NRXN3: variants seen among roughly 807,000 people sequenced by gnomAD.
NRXN3 encodes the protein neurexin III.
Under a neutral mutation model 137.6 loss-of-function variants are expected in NRXN3, and 32 were observed. The ratio of observed to expected loss-of-function variants is 0.23; its 90% CI spans 0.18 to 0.31. The LOEUF is 0.31. NRXN3 is among the 10% of genes least tolerant of loss of function. NRXN3 has a pLI of 1.00. For missense variants in NRXN3, 1,574 were observed against 2,062.5 expected (o/e 0.76, Z 4.59); for synonymous variants, 798 against 784.5 (o/e 1.02, Z -0.29).
intron 15 of NRXN3, among the ~76,000 whole-genome samples, chr14:79,186,444 A>C (rs749706545): frequency 2.6e-5 from 4 of 152,154 alleles, no homozygotes; most frequent in Non-Finnish European, 5.9e-5. Flanking sequence ...AGTGAATCAA[A>C]TTTGGAAACA....
chr14:78,407,857 C>T (rs2092585341), intron 4 of NRXN3, among the ~76,000 whole-genome samples: 1 of 152,176 alleles, frequency 6.6e-6, no homozygotes, highest in South Asian at 2.1e-4. Context: ...CAGTGCTGCT[C>T]CTCCCTCACT....
In NRXN3 at chr14:79,663,872, T is replaced by C; in HGVS notation, c.3539T>C (p.Val1180Ala). Residue 1180 changes from valine to alanine, a missense_variant, in exon 17 of 21, where the codon GTG becomes GCG. By Grantham distance (64) the Val-to-Ala change is moderately conservative (BLOSUM62 0). Around this residue, in one of 5 missense-constraint regions of NRXN3, gnomAD observed 133 missense variants for 241.8 expected, o/e 0.55. Coordinates refer to ENST00000335750, the MANE Select transcript of NRXN3 (RefSeq NM_001330195.2). ...CCTGTAAATGACGGCAAATACCATG[T>C]GGTACGCTTCACCAGGAACGGCGGC... ...RTPVNDGKYH[V>A]VRFTRNGGNA... is the part of the protein sequence containing the mutation. 6.2e-7 allele frequency: 1 copy of C among 1,613,604 alleles called. No homozygotes were observed. The highest frequency in any genetic ancestry group is 8.5e-7 in the Non-Finnish European group (1 of 1,179,672).
chr14:79,387,691 C>T (rs1453696172), intron 15 of NRXN3, among the ~76,000 whole-genome samples: 4 of 151,650 alleles, frequency 2.6e-5, no homozygotes, highest in Admixed American at 2.0e-4. Flanking sequence ...AGAGCAAAGA[C>T]TTGGAACCAA....
intron 16 of NRXN3, among the ~76,000 whole-genome samples, chr14:79,602,741 T>G (rs1237027940): frequency 6.6e-6 from 1 of 152,202 alleles, no homozygotes; most frequent in Non-Finnish European, 1.5e-5. Context: ...AGGAGCTTTT[T>G]TTTTTTTCCT....
At chr14:78,448,160 T>TGCAAGGAGATCATAAGGA (rs1468641152) in intron 4 of NRXN3, among the ~76,000 whole-genome samples, 2 of 152,260 alleles carry the variant, frequency 1.3e-5, no homozygotes, top group Admixed American at 6.5e-5. Context: ...TCATCTTTAC[T>TGCAAGGAGATCATAAGGA]GTTCAACTTA....
At chr14:78,621,212 A>AT (rs1039785537) in intron 4 of NRXN3, among the ~76,000 whole-genome samples, 13 of 152,024 alleles carry the variant, frequency 8.6e-5, no homozygotes, top group South Asian at 4.2e-4. Flanking sequence ...CAAAGCATTC[A>AT]TTTTTTTTCT....
chr14:78,196,872 G>A (rs1320992312), intron 1 of NRXN3, among the ~76,000 whole-genome samples: 3 of 152,196 alleles, frequency 2.0e-5, no homozygotes, highest in South Asian at 2.1e-4. Context: ...ACAGCCCTAG[G>A]TTATTGGGGG....
chr14:79,707,557 A>ATAAG (rs1567959241), intron 19 of NRXN3, among the ~76,000 whole-genome samples: 1 of 152,206 alleles, frequency 6.6e-6, no homozygotes. Context: ...TTAAGATAAT[A>ATAAG]TAAGTCAAGG....
intron 16 of NRXN3, among the ~76,000 whole-genome samples, chr14:79,652,280 T>C (rs2098480158): frequency 6.6e-6 from 1 of 152,238 alleles, no homozygotes; most frequent in South Asian, 2.1e-4. Context: ...ACCTTCGTCA[T>C]GTTAATGAAC....
At chr14:78,489,448 G>A (rs1490719950) in intron 4 of NRXN3, among the ~76,000 whole-genome samples, 1 of 152,048 alleles carries the variant, frequency 6.6e-6, no homozygotes. Context: ...TTTAGAGGGA[G>A]GAATGGGAAA....
intron 15 of NRXN3, among the ~76,000 whole-genome samples, chr14:79,376,278 G>C (rs1226446334): frequency 9.3e-6 from 1 of 107,454 alleles, no homozygotes; most frequent in Non-Finnish European, 1.8e-5. Flanking sequence ...ACATACATAT[G>C]ACTCCAAAAA....
At chr14:79,708,965 TTA>T (rs1211811984) in intron 19 of NRXN3, among the ~76,000 whole-genome samples, 1 of 151,702 alleles carries the variant, frequency 6.6e-6, no homozygotes, top group African/African-American at 2.4e-5. Flanking sequence ...CCCCATCTTA[TTA>T]TGTGTGTGTG....
intron 15 of NRXN3, among the ~76,000 whole-genome samples, chr14:79,168,673 C>G (rs1161933157): frequency 6.6e-6 from 1 of 151,622 alleles, no homozygotes. Context: ...TCCTATCATG[C>G]GTGTTCATCT....
intron 4 of NRXN3, among the ~76,000 whole-genome samples, chr14:78,569,481 GGTCTCA>G (rs1315806804): frequency 6.6e-6 from 1 of 151,084 alleles, no homozygotes; most frequent in Admixed American, 6.6e-5. Flanking sequence ...TAGCAAGGGT[GGTCTCA>G]ATCTCCTGAC....
intron 5 of NRXN3, among the ~76,000 whole-genome samples, chr14:78,650,936 C>G (rs2097735940): frequency 6.6e-6 from 1 of 152,194 alleles, no homozygotes; most frequent in African/African-American, 2.4e-5. Flanking sequence ...CTTGGAAATT[C>G]TAACAAAGTC....
At chr14:78,907,620 T>C (rs1379798328) in intron 10 of NRXN3, among the ~76,000 whole-genome samples, 3 of 152,040 alleles carry the variant, frequency 2.0e-5, no homozygotes, top group Non-Finnish European at 4.4e-5. Context: ...ATGTAGGCCA[T>C]GTCTACATAA....
chr14:78,302,786 C>G (rs1334729896), intron 4 of NRXN3, among the ~76,000 whole-genome samples: 2 of 152,202 alleles, frequency 1.3e-5, no homozygotes, highest in African/African-American at 4.8e-5. Context: ...TACTTTCTAT[C>G]ATTCTCCTTC....
intron 15 of NRXN3, among the ~76,000 whole-genome samples, chr14:79,456,158 T>C (rs1437049615): frequency 6.6e-6 from 1 of 152,198 alleles, no homozygotes; most frequent in African/African-American, 2.4e-5. Context: ...AAGGATTTCT[T>C]TGTCAACAAG....
At chr14:78,772,746 A>G (rs960749278) in intron 8 of NRXN3, among the ~76,000 whole-genome samples, 2 of 152,148 alleles carry the variant, frequency 1.3e-5, no homozygotes, top group African/African-American at 4.8e-5. Flanking sequence ...CAGTGCTGCT[A>G]GTCAGTGAAC....
Sources: gnomAD v4.1 joint callset for allele counts (sites outside exome capture counted in the v4.1 genomes callset) on GRCh38, gnomAD v4.1.1 for gene constraint, gnomAD v4.1.1 regional missense constraint, MANE v1.5 for transcripts, NCBI Gene and HGNC (gene_info 2026-07-23, HGNC 2026-07-21) for gene names.